Variants in PLB1 observed in about 807,000 individuals in gnomAD.
The protein encoded by PLB1 is phospholipase B1, membrane-associated.
Under a neutral mutation model 227.4 loss-of-function variants are expected in PLB1, and 242 were observed. That is an observed-to-expected ratio of 1.06 (90% confidence interval 0.96 to 1.18). PLB1 has a LOEUF of 1.18. Ranked by LOEUF, PLB1 falls within the 50% of genes most tolerant of loss-of-function variation. The pLI, the probability that PLB1 is intolerant of heterozygous loss-of-function variation, is 0.00. For missense variants in PLB1, 1,858 were observed against 1,816.3 expected, an observed-to-expected ratio of 1.02 and a Z score of -0.42; for synonymous variants, 757 against 682.2, an observed-to-expected ratio of 1.11 and a Z score of -1.71.
intron 15 of PLB1, among the ~76,000 whole-genome samples, chr2:28,549,320 T>C (rs1405946749): frequency 6.6e-6 from 1 of 152,060 alleles, no homozygotes. Context: ...GACTACATCT[T>C]AAATATGTGC....
At chr2:28,578,659 CT>C (rs1330040358) in intron 22 of PLB1, among the ~76,000 whole-genome samples, 1 of 152,160 alleles carries the variant, frequency 6.6e-6, no homozygotes, top group East Asian at 1.9e-4. Flanking sequence ...GAGCCGGGTT[CT>C]GAAAGATGAA....
Position 28,620,938 on chromosome 2 carries a change from A to C in PLB1, c.3487A>C (p.Thr1163Pro), listed in dbSNP as rs1686960782. ...LGFSTSTWEG[T>P]AGLNVAAEGA... ...CTTCTCTACCAGCACCTGGGAGGGG[A>C]CAGCAGGACTAAATGTGGCAGCGGA... Residue 1163 changes from threonine (T) to proline (P), a missense_variant, in exon 49 of 58, where the codon ACA (threonine) becomes CCA (proline). Thr to Pro is a conservative substitution (Grantham distance 38). Transcript: ENST00000327757. 1.2e-6 allele frequency: 2 copies of C among 1,613,680 alleles called. No individual in the cohort carries two copies. Among genetic ancestry groups the C allele is most frequent in the Non-Finnish European group, 1.7e-6 (2 of 1,179,804 alleles).
chr2:28,620,312 T>A lies in PLB1; in HGVS notation c.3363T>A (p.Ser1121=). The change falls in exon 47 of 58, where the codon TCT becomes TCA. Residue 1121 remains serine, a synonymous_variant. Coordinates refer to ENST00000327757, the MANE Select transcript of PLB1 (RefSeq NM_153021.5). ...ACAACTCCAGTGACCTACCCACATC[T>A]TGGAGGGGACTCTCTTGGAGGTGAG... is the stretch of plus-strand genomic sequence containing the variant. ...RPNNSSDLPT[S]WRGLSWSIGG... is the part of the protein sequence containing the mutation. 1.9e-6 allele frequency: 3 copies of A among 1,605,364 alleles called. No individual in the cohort carries two copies. The highest frequency in any genetic ancestry group is 2.6e-6 in the Non-Finnish European group (3 of 1,175,570).
At chr2:28,600,000 C>T (rs1442667277) in intron 35 of PLB1, among the ~76,000 whole-genome samples, 1 of 152,142 alleles carries the variant, frequency 6.6e-6, no homozygotes, top group Non-Finnish European at 1.5e-5. Flanking sequence ...CTTCACCTCC[C>T]AGGTTTAAGC....
intron 46 of PLB1, among the ~76,000 whole-genome samples, chr2:28,619,497 T>C (rs934663107): frequency 4.0e-5 from 6 of 150,764 alleles, no homozygotes; most frequent in Admixed American, 1.3e-4. Context: ...ATTTCACATC[T>C]GTTACTTTTG....
intron 19 of PLB1, 66 bp from the exon 20 acceptor site, chr2:28,566,730 G>T: frequency 6.4e-7 from 1 of 1,570,990 alleles, no homozygotes; most frequent in Non-Finnish European, 8.8e-7. Context: ...TCTGGCTAGT[G>T]TCTGAAGGGT....
At chr2:28,498,084 C>T (rs1458612750) in intron 1 of PLB1, among the ~76,000 whole-genome samples, 1 of 151,724 alleles carries the variant, frequency 6.6e-6, no homozygotes, top group Non-Finnish European at 1.5e-5. Flanking sequence ...TCTTAAATAA[C>T]TCCTCTCCTA....
At chr2:28,604,798 G>C (rs1397827802) in intron 41 of PLB1, 39 bp downstream of exon 41, 1 of 1,566,342 alleles carries the variant, frequency 6.4e-7, no homozygotes, top group Admixed American at 1.8e-5. Context: ...TCTTTTAGAG[G>C]AAGAAATGCA....
intron 16 of PLB1, among the ~76,000 whole-genome samples, chr2:28,551,756 A>G (rs1674297969): frequency 6.6e-6 from 1 of 152,192 alleles, no homozygotes. Context: ...TACCTTGCGG[A>G]GTTATTAATG....
intron 33 of PLB1, among the ~76,000 whole-genome samples, chr2:28,596,891 TGAA>T (rs1332467018): frequency 6.6e-6 from 1 of 152,240 alleles, no homozygotes; most frequent in Non-Finnish European, 1.5e-5. Flanking sequence ...ATTCCTTGAA[TGAA>T]GAACAACTAT....
At chr2:28,619,908 G>A (rs1293826182) in intron 46 of PLB1, among the ~76,000 whole-genome samples, 2 of 152,180 alleles carry the variant, frequency 1.3e-5, no homozygotes, top group Admixed American at 1.3e-4. Context: ...AAAGAGGCAT[G>A]TGCAGGAGTA....
chr2:28,525,921 C>T lies in PLB1; in HGVS notation c.301C>T (p.Gln101Ter). The change falls in exon 6 of 58, where the codon CAG becomes TAG. Residue 101 changes from glutamine (Q) to a stop codon, truncating the protein, a stop_gained. Coordinates refer to ENST00000327757, the MANE Select transcript of PLB1 (RefSeq NM_153021.5). LOFTEE classifies it high-confidence loss of function. ...EKQDWTERPQ[Q>*]VCMGVMTVLS... is the part of the protein sequence containing the mutation. The stretch of plus-strand genomic sequence containing the variant: ...TACCTGCAGGACTGAAAGGCCACAG[C>T]AGGTGTGCATGGGAGTGATGACAGG... 1 of 1,614,062 alleles carries T rather than the reference C, an allele frequency of 6.2e-7. No individual in the cohort carries two copies. Among genetic ancestry groups the T allele is most frequent in the Non-Finnish European group, 8.5e-7 (1 of 1,179,990 alleles).
chr2:28,615,427 T>C (rs1306017964), intron 44 of PLB1, among the ~76,000 whole-genome samples: 2 of 152,116 alleles, frequency 1.3e-5, no homozygotes, highest in Non-Finnish European at 2.9e-5. Flanking sequence ...GTAGAATGGG[T>C]TGGCCATCAG....
chr2:28,524,054 C>T (rs1206084961), intron 4 of PLB1, among the ~76,000 whole-genome samples: 3 of 152,194 alleles, frequency 2.0e-5, no homozygotes, highest in African/African-American at 7.2e-5. Flanking sequence ...TGAGATTTCC[C>T]AGTCAGCCTG....
intron 17 of PLB1, among the ~76,000 whole-genome samples, 161 bp downstream of exon 17, chr2:28,553,152 TC>T (rs1242785522): frequency 6.6e-6 from 1 of 152,236 alleles, no homozygotes; most frequent in African/African-American, 2.4e-5. Flanking sequence ...GTTTGACTAT[TC>T]TTTAACTAAA....
chr2:28,562,510 C>G (rs1676203939), intron 17 of PLB1, among the ~76,000 whole-genome samples: 2 of 102,280 alleles, frequency 2.0e-5, no homozygotes, highest in South Asian at 6.8e-4. Flanking sequence ...CCACTGCACT[C>G]CAGCCTGGAG....
rs1687786249 is a variant in PLB1 at position 28,626,421 on chromosome 2, C to T, written c.3580-7C>T. Reference sequence around the variant, plus strand: ...AGGCCTAAACTCAGGATCTTCTGTCCCCTCAGGACATCAACCTGGAGAAAG... The same window carrying T: ...AGGCCTAAACTCAGGATCTTCTGTCTCCTCAGGACATCAACCTGGAGAAAG... On this transcript the variant is annotated splice_polypyrimidine_tract_variant and splice_region_variant and intron_variant, in intron 50 of 57. Transcript: ENST00000327757. 2 of 1,613,284 alleles carry T rather than the reference C, an allele frequency of 1.2e-6. No homozygotes were observed. The highest frequency in any genetic ancestry group is 1.7e-6 in the Non-Finnish European group (2 of 1,179,232).
intron 9 of PLB1, among the ~76,000 whole-genome samples, chr2:28,537,476 A>G (rs1373877719): frequency 2.0e-5 from 3 of 152,054 alleles, no homozygotes; most frequent in African/African-American, 7.2e-5. Flanking sequence ...GGATCATTTG[A>G]GGTCAGGAGT....
At chr2:28,515,782 C>T (rs139581587) in intron 1 of PLB1, among the ~76,000 whole-genome samples, 5 of 152,246 alleles carry the variant, frequency 3.3e-5, no homozygotes, top group African/African-American at 9.6e-5. Flanking sequence ...CCTGGGCAGG[C>T]ATTGGGTGGG....
Sources: gnomAD v4.1 joint callset for allele counts (sites outside exome capture counted in the v4.1 genomes callset) on GRCh38, gnomAD v4.1.1 for gene constraint, MANE v1.5 for transcripts, NCBI Gene and HGNC (gene_info 2026-07-23, HGNC 2026-07-21) for gene names.